The following CHKA variants were observed in gnomAD, a reference collection of about 807,000 sequenced individuals.
The protein encoded by CHKA is choline kinase alpha.
A neutral mutation model predicts 60.1 loss-of-function variants in CHKA; 34 were observed. The ratio of observed to expected loss-of-function variants is 0.57; its 90% CI spans 0.43 to 0.75. The LOEUF (loss-of-function observed/expected upper bound fraction) is 0.75. Ranked by LOEUF, CHKA falls within the 30% of genes least tolerant of loss-of-function variation. The pLI is 0.00. For synonymous variants in CHKA, 217 were observed against 223.1 expected (o/e 0.97, Z 0.24); for missense variants, 563 against 561.3 (o/e 1.00, Z -0.03).
chr11:68,092,407 A>G (rs1053710291), intron 2 of CHKA, among the ~76,000 whole-genome samples: 13 of 152,228 alleles, frequency 8.5e-5, no homozygotes, highest in Admixed American at 4.6e-4. Context: ...CTGGCTATAC[A>G]TTAGCAATTT....
chr11:68,121,028 G>A lies in CHKA; in HGVS notation c.150C>T (p.Gly50=). 1 of 1,106,456 alleles carries A rather than the reference G, an allele frequency of 9.0e-7. No homozygotes were observed. Among genetic ancestry groups the A allele is most frequent in the Non-Finnish European group, 1.1e-6 (1 of 908,902 alleles). 68.5% of individuals were successfully genotyped at this position (1,106,456 alleles called of 1,614,324 possible). ...ASDLESKQLG[G]QQPPLALPPP... ...GGGGCAGCGCGAGCGGCGGCTGTTG[G>A]CCGCCCAGCTGCTTGGACTCGAGGT... is the stretch of plus-strand genomic sequence containing the variant. The change falls in exon 1 of 12, where the codon GGC becomes GGT. Residue 50 remains glycine (G), a synonymous_variant. Transcript: ENST00000265689.
At chr11:68,116,672 G>A (rs1224502217) in intron 1 of CHKA, among the ~76,000 whole-genome samples, 4 of 151,714 alleles carry the variant, frequency 2.6e-5, no homozygotes, top group African/African-American at 4.8e-5. Flanking sequence ...AGCCGAGATC[G>A]CGCCATTGTG....
intron 2 of CHKA, among the ~76,000 whole-genome samples, chr11:68,095,725 A>AC (rs1565188460): frequency 2.1e-5 from 3 of 142,224 alleles, no homozygotes; most frequent in African/African-American, 8.0e-5. Context: ...AAAAAAAAAA[A>AC]AAAAAAAAAC....
chr11:68,091,677 T>G (rs1857353843), intron 2 of CHKA, among the ~76,000 whole-genome samples: 1 of 152,264 alleles, frequency 6.6e-6, no homozygotes, highest in East Asian at 1.9e-4. Flanking sequence ...CTTAGAGAAC[T>G]GTACCAAAGA....
Position 68,092,410 on chromosome 11 carries a change from A to C in CHKA, c.462+4609T>G, listed in dbSNP as rs188969917. On this transcript the variant is annotated intron_variant, in intron 2 of 11. Transcript: ENST00000265689. Reference sequence around the variant, plus strand: ...CATTCTAAAGAGCTGGCTATACATTAGCAATTTCATCACAGCTAGATCACA... The same window carrying C: ...CATTCTAAAGAGCTGGCTATACATTCGCAATTTCATCACAGCTAGATCACA... Among the ~76,000 whole-genome samples, 8 of 152,358 alleles carry C rather than the reference A, an allele frequency of 5.3e-5. No homozygotes were observed. In the East Asian group the frequency reaches 1.5e-3, roughly 29 times the overall value.
chr11:68,059,894 G>T lies in CHKA; in HGVS notation c.1314+2059C>A, dbSNP rs534801225. Among the ~76,000 whole-genome samples the T allele has an allele frequency of 8.5e-5, 13 of 152,298 alleles. No homozygotes were observed. In the South Asian group the frequency reaches 2.7e-3, roughly 32 times the overall value. ...GGTTTAATGAACATGCATGAGGCCAGGCTGGCAGGGAGAGTTGTAAGGCCC... is the reference window on the plus strand; with the variant it reads ...GGTTTAATGAACATGCATGAGGCCATGCTGGCAGGGAGAGTTGTAAGGCCC... On this transcript the variant is annotated intron_variant, in intron 11 of 11. Transcript: ENST00000265689.
chr11:68,063,528 G>A (rs1006016636), intron 10 of CHKA, among the ~76,000 whole-genome samples: 10 of 151,958 alleles, frequency 6.6e-5, no homozygotes, highest in African/African-American at 2.4e-4. Flanking sequence ...CTGGGTGGCA[G>A]CAGCCCTGTA....
chr11:68,114,716 A>C (rs574925991), intron 1 of CHKA, among the ~76,000 whole-genome samples: 1 of 152,074 alleles, frequency 6.6e-6, no homozygotes, highest in East Asian at 1.9e-4. Flanking sequence ...AAAAAAAAGA[A>C]GAAGAAAAGA....
At position 68,121,339 on chromosome 11, in the gene CHKA, C is replaced by CGGCGACTGT. The variant is rs1365441541; in HGVS notation, c.-171_-163dup. 6 of 321,772 alleles carry CGGCGACTGT rather than the reference C, an allele frequency of 1.9e-5. No homozygotes were observed. Among genetic ancestry groups the CGGCGACTGT allele is most frequent in the South Asian group, 2.3e-4 (2 of 8,678 alleles). 19.9% of individuals were successfully genotyped at this position (321,772 alleles called of 1,614,324 possible). On this transcript the variant is annotated 5_prime_UTR_variant, in exon 1 of 12. Coordinates refer to ENST00000265689, the MANE Select transcript of CHKA (RefSeq NM_001277.3). The stretch of plus-strand genomic sequence containing the variant: ...GCGGCGGCGGCGGCTGCGGCGACTG[C>CGGCGACTGT]GGCGACTGTGGAGCGGGGATGTGCT...
chr11:68,120,696 C>G (rs1294052364), intron 1 of CHKA, 132 bp downstream of exon 1: 2 of 291,658 alleles, frequency 6.9e-6, no homozygotes, highest in East Asian at 2.0e-4. Flanking sequence ...GTCCCCGGTC[C>G]CCGGCCTCCG....
chr11:68,104,860 T>C (rs1287599795), intron 1 of CHKA, among the ~76,000 whole-genome samples: 1 of 151,868 alleles, frequency 6.6e-6, no homozygotes, highest in African/African-American at 2.4e-5. Flanking sequence ...ATCCCAGCAC[T>C]TTGGGAGGCA....
At chr11:68,089,260 T>C (rs1247056825) in intron 2 of CHKA, among the ~76,000 whole-genome samples, 1 of 152,158 alleles carries the variant, frequency 6.6e-6, no homozygotes, top group Non-Finnish European at 1.5e-5. Context: ...CTTCCAAGAC[T>C]AAATAAAATA....
chr11:68,096,615 A>G lies in CHKA; in HGVS notation c.462+404T>C, dbSNP rs529261068. ...AGCTTCGTTGAGATCATACTTTGTTAACTGGGACTATCCTCTAAAATCTTT... is the reference window on the plus strand; with the variant it reads ...AGCTTCGTTGAGATCATACTTTGTTGACTGGGACTATCCTCTAAAATCTTT... On this transcript the variant is annotated intron_variant, in intron 2 of 11. Coordinates refer to ENST00000265689, the MANE Select transcript of CHKA (RefSeq NM_001277.3). Among the ~76,000 whole-genome samples the G allele has an allele frequency of 6.6e-5, 10 of 152,316 alleles. No homozygotes were observed. In the South Asian group the frequency reaches 1.0e-3, roughly 16 times the overall value.
chr11:68,095,266 G>C (rs993554858), intron 2 of CHKA, among the ~76,000 whole-genome samples: 1 of 151,484 alleles, frequency 6.6e-6, no homozygotes, highest in African/African-American at 2.4e-5. Flanking sequence ...AGCCAGGCGT[G>C]GTGGCGGACA....
At chr11:68,071,668 T>G (rs771461264) in intron 4 of CHKA, among the ~76,000 whole-genome samples, 30 of 152,240 alleles carry the variant, frequency 2.0e-4, no homozygotes, top group Non-Finnish European at 3.8e-4. Flanking sequence ...AAACCTCAGT[T>G]GAAATTGTGG....
At chr11:68,093,536 CTTAG>C (rs1381781615) in intron 2 of CHKA, among the ~76,000 whole-genome samples, 4 of 152,114 alleles carry the variant, frequency 2.6e-5, no homozygotes, top group Admixed American at 1.3e-4. Flanking sequence ...TTTTATTTTT[CTTAG>C]TTACTTAATA....
At chr11:68,105,864 C>T (rs1857897642) in intron 1 of CHKA, among the ~76,000 whole-genome samples, 1 of 152,164 alleles carries the variant, frequency 6.6e-6, no homozygotes, top group South Asian at 2.1e-4. Flanking sequence ...AGGGCTTAGT[C>T]CCCAAGGCTG....
At chr11:68,115,836 G>A (rs944163763) in intron 1 of CHKA, among the ~76,000 whole-genome samples, 1 of 152,108 alleles carries the variant, frequency 6.6e-6, no homozygotes, top group African/African-American at 2.4e-5. Flanking sequence ...ATTGAAAATT[G>A]TTTCTGTTCT....
chr11:68,058,248 CT>C (rs1330024146), intron 11 of CHKA, among the ~76,000 whole-genome samples: 3 of 152,232 alleles, frequency 2.0e-5, no homozygotes, highest in African/African-American at 7.2e-5. Flanking sequence ...TCAGAGAAGT[CT>C]TATAACCAGG....
Sources: allele counts gnomAD v4.1 joint callset (sites outside exome capture counted in the v4.1 genomes callset), GRCh38; gene constraint gnomAD v4.1.1; transcripts MANE v1.5; gene names NCBI Gene and HGNC (gene_info 2026-07-23, HGNC 2026-07-21).